Variants in PMM1 observed in about 807,000 individuals in gnomAD.
PMM1 encodes phosphomannomutase 1.
In PMM1, 25 loss-of-function variants were observed where a neutral mutation model predicts 34.0. The ratio of observed to expected loss-of-function variants is 0.73; its 90% CI spans 0.54 to 1.03. PMM1 has a LOEUF of 1.03. PMM1 is among the 50% of genes least tolerant of loss of function. The pLI is 0.00. For synonymous variants in PMM1, 134 were observed against 143.9 expected (o/e 0.93, Z 0.49); for missense variants, 321 against 350.1 (o/e 0.92, Z 0.66).
chr22:41,584,253 T>C, intron 4 of PMM1, 28 bp downstream of exon 4: 1 of 1,600,814 alleles, frequency 6.2e-7, no homozygotes, highest in Non-Finnish European at 8.6e-7. Flanking sequence ...GGCCCCAGGT[T>C]CTGGAGACCA....
At chr22:41,580,859 G>A (rs1034117784) in intron 5 of PMM1, among the ~76,000 whole-genome samples, 3 of 151,954 alleles carry the variant, frequency 2.0e-5, no homozygotes, top group South Asian at 2.1e-4. Flanking sequence ...GCTCATGCCC[G>A]TAATTCCAGC....
In PMM1 at chr22:41,577,803, C is replaced by T; in HGVS notation, c.666+5G>A. 6.2e-7 allele frequency: 1 copy of T among 1,607,802 alleles called. No individual in the cohort carries two copies. ...TAGGGGAAACCTGGGGTGGGCCACA[C>T]TCACAGGGCTAGTCTCGTTCCCAAA... On this transcript the variant is annotated splice_donor_5th_base_variant and intron_variant, in intron 7 of 7. Transcript: ENST00000216259.
intron 1 of PMM1, chr22:41,589,162 G>C: frequency 2.3e-6 from 3 of 1,292,050 alleles, no homozygotes; most frequent in Non-Finnish European, 3.1e-6. Flanking sequence ...TCTGCTCCAC[G>C]ACTGGGGGTG....
intron 1 of PMM1, among the ~76,000 whole-genome samples, chr22:41,587,126 G>A (rs1378587328): frequency 2.0e-5 from 3 of 151,788 alleles, no homozygotes; most frequent in African/African-American, 4.8e-5. Context: ...AAAATTAGCC[G>A]GGCGTGGTGG....
intron 5 of PMM1, 81 bp from the exon 6 acceptor site, chr22:41,578,962 C>T (rs1186099459): frequency 4.9e-6 from 6 of 1,216,912 alleles, no homozygotes; most frequent in East Asian, 2.4e-5. Flanking sequence ...TCCACGTGAG[C>T]GTGCTGAGCA....
intron 4 of PMM1, 92 bp from the exon 5 acceptor site, chr22:41,584,150 TC>T: frequency 7.6e-7 from 1 of 1,307,260 alleles, no homozygotes; most frequent in Non-Finnish European, 1.1e-6. Flanking sequence ...TCCTAGGACT[TC>T]AAAGGGGACA....
intron 5 of PMM1, among the ~76,000 whole-genome samples, chr22:41,583,020 G>C (rs1223697762): frequency 6.6e-6 from 1 of 152,128 alleles, no homozygotes; most frequent in African/African-American, 2.4e-5. Context: ...AGTGGAACTT[G>C]AAGGGCATAG....
chr22:41,588,129 C>T (rs1472093329), intron 1 of PMM1, among the ~76,000 whole-genome samples: 1 of 152,256 alleles, frequency 6.6e-6, no homozygotes, highest in African/African-American at 2.4e-5. Context: ...TGGCTCACTG[C>T]AACCTCCACC....
At chr22:41,584,964 C>T (rs2067291307) in intron 2 of PMM1, 1 of 183,492 alleles carries the variant, frequency 5.4e-6, no homozygotes, top group Admixed American at 5.6e-5. Flanking sequence ...CCCTGCCCCT[C>T]TGCAGAGGGG....
rs1036652559 is a variant in PMM1 at position 41,576,969 on chromosome 22, G to A, written c.*349C>T. On this transcript the variant is annotated 3_prime_UTR_variant, in exon 8 of 8. Coordinates refer to ENST00000216259, the MANE Select transcript of PMM1 (RefSeq NM_002676.3). ...GGCACCTTCCCCACCGTACCTCATC[G>A]CCCAGGGCAGGCAGGCAGGGCAGGC... 13 of 372,264 alleles carry A rather than the reference G, an allele frequency of 3.5e-5. No homozygotes were observed. Among genetic ancestry groups the A allele is most frequent in the South Asian group, 2.7e-4 (11 of 41,284 alleles). 23.1% of individuals were successfully genotyped at this position (372,264 alleles called of 1,614,324 possible). A position where few individuals can be genotyped will look rare whatever the true frequency, so the allele number is the denominator to read the frequency against.
Position 41,584,356 on chromosome 22 carries a change from A to AG in PMM1, c.298dup (p.Leu100ProfsTer91). 3.1e-6 allele frequency: 5 copies of AG among 1,614,094 alleles called. No individual in the cohort carries two copies. Among genetic ancestry groups the AG allele is most frequent in the Non-Finnish European group, 4.2e-6 (5 of 1,179,976 alleles). On this transcript the variant is annotated frameshift_variant, in exon 4 of 8. Transcript: ENST00000216259. LOFTEE classifies it high-confidence loss of function. ...CAAGTCCTGCAGCAGCTCCTCCCCC[A>AG]GGTGGTTCTGGATGGTCTGGCCAAG...
At chr22:41,589,112 G>A (rs1479142068) in intron 1 of PMM1, 1 of 1,304,056 alleles carries the variant, frequency 7.7e-7, no homozygotes, top group African/African-American at 1.5e-5. Flanking sequence ...CTCACATCCG[G>A]GTGGGTAGAG....
intron 2 of PMM1, 37 bp from the exon 3 acceptor site, chr22:41,584,640 T>C: frequency 6.6e-7 from 1 of 1,520,532 alleles, no homozygotes; most frequent in African/African-American, 1.4e-5. Flanking sequence ...GAAGAAAGAG[T>C]GTGAGACCAC....
chr22:41,584,636 A>G (rs368220949), intron 2 of PMM1, 33 bp from the exon 3 acceptor site: 1 of 1,538,572 alleles, frequency 6.5e-7, no homozygotes, highest in African/African-American at 1.4e-5. Flanking sequence ...GGAGGAAGAA[A>G]GAGTGTGAGA....
intron 1 of PMM1, 26 bp from the exon 2 acceptor site, chr22:41,586,219 C>T (rs759165256): frequency 1.2e-6 from 2 of 1,602,240 alleles, no homozygotes; most frequent in Non-Finnish European, 1.7e-6. Flanking sequence ...GGAAGCATAG[C>T]ATTCTGGCTT....
chr22:41,587,622 TAAC>T (rs776322425), intron 1 of PMM1, among the ~76,000 whole-genome samples: 10 of 151,944 alleles, frequency 6.6e-5, no homozygotes, highest in Non-Finnish European at 1.3e-4. Context: ...CCCCGGTCTC[TAAC>T]AACAACAACA....
Position 41,577,353 on chromosome 22 carries a change from C to T in PMM1, c.754G>A (p.Glu252Lys), listed in dbSNP as rs368292264. 172 of 1,613,048 alleles carry T rather than the reference C, an allele frequency of 1.1e-4. No homozygotes were observed. The East Asian group carries it at 3.6e-3, about 33-fold the overall frequency. The stretch of plus-strand genomic sequence containing the variant: ...TGAGCTGTCTCTGGGAAGAAAATCT[C>T]CCGGCATCGCTGCACCGTGTCCTGA... Reference protein sequence around the residue: ...SPQDTVQRCREIFFPETAHEA With the variant: ...SPQDTVQRCRKIFFPETAHEA The change falls in exon 8 of 8, where the codon GAG (glutamate) becomes AAG (lysine). Residue 252 changes from glutamate (E) to lysine (K), a missense_variant. Transcript: ENST00000216259.
chr22:41,588,655 C>T (rs1478176465), intron 1 of PMM1: 5 of 985,278 alleles, frequency 5.1e-6, no homozygotes, highest in South Asian at 9.4e-5. Context: ...AGCAAATGGC[C>T]CACCTTTGCT....
chr22:41,581,488 C>A (rs370698534), intron 5 of PMM1, among the ~76,000 whole-genome samples: 1 of 152,208 alleles, frequency 6.6e-6, no homozygotes, highest in Non-Finnish European at 1.5e-5. Flanking sequence ...TATGTGACCT[C>A]GGGCAGGGCC....
Sources: gnomAD v4.1 joint callset for allele counts (sites outside exome capture counted in the v4.1 genomes callset) on GRCh38, gnomAD v4.1.1 for gene constraint, MANE v1.5 for transcripts, NCBI Gene and HGNC (gene_info 2026-07-23, HGNC 2026-07-21) for gene names.